Variants in PIK3AP1 observed in about 807,000 individuals in gnomAD.
PIK3AP1 encodes the protein phosphoinositide-3-kinase adaptor protein 1, also known as phosphoinositide 3-kinase adapter protein 1.
PIK3AP1 carries 21 observed loss-of-function variants against 88.1 expected under a neutral mutation model. The ratio of observed to expected loss-of-function variants is 0.24; its 90% CI spans 0.17 to 0.34. The LOEUF (loss-of-function observed/expected upper bound fraction) is 0.34. PIK3AP1 is among the 10% of genes least tolerant of loss of function. PIK3AP1 has a pLI of 1.00. For synonymous variants in PIK3AP1, 398 were observed against 400.0 expected, an observed-to-expected ratio of 1.00 and a Z score of 0.06; for missense variants, 828 against 1,035.7, an observed-to-expected ratio of 0.80 and a Z score of 2.75.
In PIK3AP1 at chr10:96,626,804, C is replaced by G; in HGVS notation, c.1573G>C (p.Asp525His). ...TVDDDEAFSV[D>H]LASRPPVPVP... ...GGGACAGGGGGCCTGCTGGCCAGGTCCACAGAAAAGGCCTCATCGTCATCC... is the reference window on the plus strand; with the variant it reads ...GGGACAGGGGGCCTGCTGGCCAGGTGCACAGAAAAGGCCTCATCGTCATCC... The change falls in exon 10 of 17, where the codon GAC becomes CAC. Residue 525 changes from aspartate to histidine, a missense_variant. By Grantham distance (81) the Asp-to-His change is moderately conservative. Coordinates refer to ENST00000339364, the MANE Select transcript of PIK3AP1 (RefSeq NM_152309.3). 6.2e-7 allele frequency: 1 copy of G among 1,614,216 alleles called. No individual in the cohort carries two copies. The highest frequency in any genetic ancestry group is 8.5e-7 in the Non-Finnish European group (1 of 1,180,016).
At chr10:96,719,482 T>G (rs1844544147) in intron 1 of PIK3AP1, among the ~76,000 whole-genome samples, 1 of 152,294 alleles carries the variant, frequency 6.6e-6, no homozygotes, top group African/African-American at 2.4e-5. Flanking sequence ...CCTCCTCTCA[T>G]CTAGTAATTC....
intron 16 of PIK3AP1, among the ~76,000 whole-genome samples, chr10:96,600,984 A>C (rs1848879844): frequency 6.6e-6 from 1 of 152,216 alleles, no homozygotes; most frequent in Non-Finnish European, 1.5e-5. Context: ...CAAGTATCAT[A>C]TAAACAAAGG....
chr10:96,614,669 C>G (rs4917742), intron 13 of PIK3AP1, among the ~76,000 whole-genome samples: 92,042 of 151,974 alleles, frequency 0.61, 29,352 homozygotes, highest in East Asian at 0.83. Context: ...ACAAAGATAA[C>G]TGACTCATTA....
intron 12 of PIK3AP1, among the ~76,000 whole-genome samples, chr10:96,619,089 T>C (rs1243299482): frequency 6.6e-6 from 1 of 152,234 alleles, no homozygotes; most frequent in South Asian, 2.1e-4. Context: ...TCTTCGCCTC[T>C]CTGAGCCTCA....
chr10:96,657,657 TTG>T (rs10644854), intron 2 of PIK3AP1, among the ~76,000 whole-genome samples: 109 of 149,276 alleles, frequency 7.3e-4, no homozygotes, highest in Admixed American at 1.7e-3. Flanking sequence ...GTGTGCAAGA[TTG>T]TGTGTGTGTG....
At chr10:96,651,793 C>T (rs536656661) in intron 4 of PIK3AP1, 142 bp from the exon 5 acceptor site, 11 of 990,320 alleles carry the variant, frequency 1.1e-5, no homozygotes, top group South Asian at 6.8e-5. Context: ...TGAGCTGGGG[C>T]GGGAGTGAGG....
intron 2 of PIK3AP1, among the ~76,000 whole-genome samples, chr10:96,668,383 ATTT>A (rs2134250827): frequency 6.6e-6 from 1 of 152,308 alleles, no homozygotes; most frequent in South Asian, 2.1e-4. Flanking sequence ...GCATTATGCT[ATTT>A]TGCTTCCATT....
At chr10:96,635,332 C>T (rs1843298347) in intron 8 of PIK3AP1, among the ~76,000 whole-genome samples, 1 of 152,194 alleles carries the variant, frequency 6.6e-6, no homozygotes, top group Non-Finnish European at 1.5e-5. Context: ...TACACACAAA[C>T]TGGGTAGCCT....
rs557918551 is a variant in PIK3AP1, at chr10:96,709,850, G to C, written c.147C>G (p.Pro49=). Residue 49 remains proline, a synonymous_variant, in exon 2 of 17, where the codon CCC becomes CCG. Coordinates refer to ENST00000339364, the MANE Select transcript of PIK3AP1 (RefSeq NM_152309.3). Reference sequence around the variant, plus strand: ...GGTCCTCTGCCGAGAAGGAGGCCTCGGGGCCCAGCCTGTGAGTCAGTATCT... The same window carrying C: ...GGTCCTCTGCCGAGAAGGAGGCCTCCGGGCCCAGCCTGTGAGTCAGTATCT... ...SQKILTHRLG[P]EASFSAEDLS... The C allele has an allele frequency of 1.2e-6, 2 of 1,613,964 alleles. No individual in the cohort carries two copies. The highest frequency in any genetic ancestry group is 1.1e-5 in the South Asian group (1 of 91,082).
At chr10:96,629,909 CAAAAAAAAA>C (rs66669261) in intron 8 of PIK3AP1, among the ~76,000 whole-genome samples, 2 of 5,414 alleles carry the variant, frequency 3.7e-4, no homozygotes, top group Admixed American at 3.5e-3. Flanking sequence ...CAACAACAAC[CAAAAAAAAA>C]AAAAAAAAAA....
At chr10:96,697,538 C>T (rs939763635) in intron 2 of PIK3AP1, among the ~76,000 whole-genome samples, 2 of 152,148 alleles carry the variant, frequency 1.3e-5, no homozygotes, top group Non-Finnish European at 2.9e-5. Context: ...GCCTGGGCAA[C>T]ATAGTGAGAT....
chr10:96,686,446 G>A (rs1305927420), intron 2 of PIK3AP1, among the ~76,000 whole-genome samples: 1 of 152,224 alleles, frequency 6.6e-6, no homozygotes. Context: ...ACCCGTGGAT[G>A]TACCGCAAAT....
chr10:96,629,969 G>GGAA (rs1843223498), intron 8 of PIK3AP1, among the ~76,000 whole-genome samples: 3 of 92,104 alleles, frequency 3.3e-5, no homozygotes, highest in Admixed American at 1.1e-4. Flanking sequence ...AAGGAAAAAA[G>GGAA]AAAAGAAAAG....
intron 2 of PIK3AP1, among the ~76,000 whole-genome samples, chr10:96,687,888 C>T (rs1191711050): frequency 1.3e-5 from 2 of 152,184 alleles, no homozygotes; most frequent in Non-Finnish European, 2.9e-5. Flanking sequence ...TCAGCCCTGT[C>T]CCTGCTTTAT....
chr10:96,664,708 G>C (rs1175498714), intron 2 of PIK3AP1, among the ~76,000 whole-genome samples: 1 of 152,112 alleles, frequency 6.6e-6, no homozygotes, highest in East Asian at 1.9e-4. Context: ...CTTCCAGTAG[G>C]TCTATTCATT....
At chr10:96,642,442 A>ACAG (rs1219826925) in intron 8 of PIK3AP1, among the ~76,000 whole-genome samples, 2 of 137,114 alleles carry the variant, frequency 1.5e-5, no homozygotes, top group African/African-American at 2.7e-5. Flanking sequence ...AAAAAAAAAA[A>ACAG]ACAGAAAGAA....
At chr10:96,666,099 T>C (rs1005758094) in intron 2 of PIK3AP1, among the ~76,000 whole-genome samples, 1 of 152,216 alleles carries the variant, frequency 6.6e-6, no homozygotes, top group Non-Finnish European at 1.5e-5. Context: ...ATTAAATATG[T>C]ATGACTATAG....
chr10:96,639,741 T>C (rs1488957194), intron 8 of PIK3AP1, among the ~76,000 whole-genome samples: 1 of 152,172 alleles, frequency 6.6e-6, no homozygotes, highest in Non-Finnish European at 1.5e-5. Context: ...CGCCAGAATC[T>C]TGCCAAAAGG....
In PIK3AP1 at chr10:96,651,637, T is replaced by C; in HGVS notation, c.727A>G (p.Asn243Asp). ...SVKAPNLSSGNVSLKIYSGDL... is the reference protein window; with the variant it reads ...SVKAPNLSSGDVSLKIYSGDL... Reference sequence around the variant, plus strand: ...CCAGAATATATCTTCAGAGAAACGTTCCCAGATGAAAGGTCTGAACAGAAG... The same window carrying C: ...CCAGAATATATCTTCAGAGAAACGTCCCCAGATGAAAGGTCTGAACAGAAG... Residue 243 changes from asparagine (N) to aspartate (D), a missense_variant, in exon 5 of 17, where the codon AAC (asparagine) becomes GAC (aspartate). Coordinates refer to ENST00000339364, the MANE Select transcript of PIK3AP1 (RefSeq NM_152309.3). 6.2e-7 allele frequency: 1 copy of C among 1,614,078 alleles called. No homozygotes were observed. The highest frequency in any genetic ancestry group is 2.2e-5 in the East Asian group (1 of 44,886).
Sources: allele counts gnomAD v4.1 joint callset (sites outside exome capture counted in the v4.1 genomes callset), GRCh38; gene constraint gnomAD v4.1.1; transcripts MANE v1.5; gene names NCBI Gene and HGNC (gene_info 2026-07-23, HGNC 2026-07-21).